Variants in SYT1 observed in about 807,000 individuals in gnomAD.
SYT1 encodes the protein synaptotagmin 1, also known as synaptotagmin-1.
SYT1 carries 8 observed loss-of-function variants against 44.8 expected under a neutral mutation model. That is an observed-to-expected ratio of 0.18 (90% CI 0.10 to 0.32). The LOEUF (loss-of-function observed/expected upper bound fraction) is 0.32, where lower values mean the gene tolerates loss of function less well. Ranked by LOEUF, SYT1 falls within the 10% of genes least tolerant of loss-of-function variation. SYT1 has a pLI of 1.00. For synonymous variants in SYT1, 154 were observed against 188.8 expected (o/e 0.82, Z 1.51); for missense variants, 286 against 509.3 (o/e 0.56, Z 4.22).
chr12:79,106,161 A>G (rs1878708474), intron 3 of SYT1, among the ~76,000 whole-genome samples: 1 of 152,238 alleles, frequency 6.6e-6, no homozygotes, highest in Non-Finnish European at 1.5e-5. Flanking sequence ...ACTAAGGGGA[A>G]AAGTACTGGC....
rs570556008 is a variant in SYT1 at position 78,978,567 on chromosome 12, C to T, written c.-84+636C>T. On this transcript the variant is annotated intron_variant, in intron 2 of 10. Transcript: ENST00000261205. The stretch of plus-strand genomic sequence containing the variant: ...AATTCCATCAAATTCAATTACCATT[C>T]TTCATTAACCAATCAAATTACTCCT... 2.0e-5 allele frequency among the ~76,000 whole-genome samples: 3 copies of T among 152,312 alleles called. No homozygotes were observed. The South Asian group carries it at 6.2e-4, about 32-fold the overall frequency.
chr12:79,405,217 C>T lies in SYT1; in HGVS notation c.929-38856C>T, dbSNP rs552164880. On this transcript the variant is annotated intron_variant, in intron 9 of 10. Transcript: ENST00000261205. Reference sequence around the variant, plus strand: ...TCTTGATCAAATGAAATCTGCAAAGCCTCCATATACTCTTGTGCAATCTTA... The same window carrying T: ...TCTTGATCAAATGAAATCTGCAAAGTCTCCATATACTCTTGTGCAATCTTA... Among the ~76,000 whole-genome samples, 3 of 152,218 alleles carry T rather than the reference C, an allele frequency of 2.0e-5. No individual in the cohort carries two copies. The South Asian group carries it at 6.2e-4, about 32-fold the overall frequency.
At chr12:79,446,110 C>T (rs575616357) in intron 10 of SYT1, among the ~76,000 whole-genome samples, 1 of 144,130 alleles carries the variant, frequency 6.9e-6, no homozygotes, top group Non-Finnish European at 1.5e-5. Context: ...GAGAAAAGTA[C>T]TATTGTTATT....
chr12:78,920,295 G>T (rs1387355858), intron 1 of SYT1, among the ~76,000 whole-genome samples: 2 of 151,904 alleles, frequency 1.3e-5, no homozygotes, highest in South Asian at 2.1e-4. Context: ...TGTTTTACAA[G>T]ATAAGAAATA....
At chr12:79,109,433 G>A (rs963697267) in intron 3 of SYT1, among the ~76,000 whole-genome samples, 1 of 152,158 alleles carries the variant, frequency 6.6e-6, no homozygotes, top group African/African-American at 2.4e-5. Flanking sequence ...GGGACTTGGA[G>A]GAGGAATGCC....
At chr12:79,235,541 T>C (rs911649165) in intron 4 of SYT1, among the ~76,000 whole-genome samples, 5 of 151,224 alleles carry the variant, frequency 3.3e-5, no homozygotes, top group African/African-American at 1.2e-4. Flanking sequence ...TTTGTAAATA[T>C]ACCATTAAGA....
chr12:79,290,531 C>G (rs1188050736), intron 5 of SYT1, among the ~76,000 whole-genome samples: 3 of 152,134 alleles, frequency 2.0e-5, no homozygotes, highest in Non-Finnish European at 4.4e-5. Context: ...CCTGGTTATA[C>G]TTCTTGCATT....
intron 3 of SYT1, among the ~76,000 whole-genome samples, chr12:79,064,926 G>GACAA (rs549891799): frequency 0.012 from 1,323 of 111,536 alleles, 23 homozygotes; most frequent in Non-Finnish European, 0.017. Context: ...AAAAAATAGA[G>GACAA]AGAAAGAAAG....
chr12:79,053,622 A>G (rs1408658739), intron 3 of SYT1, among the ~76,000 whole-genome samples: 5 of 149,274 alleles, frequency 3.3e-5, no homozygotes, highest in Non-Finnish European at 7.4e-5. Context: ...TTTAAAATAT[A>G]TATCACCAAT....
chr12:79,051,581 A>G (rs951605368), intron 3 of SYT1, among the ~76,000 whole-genome samples: 5 of 151,726 alleles, frequency 3.3e-5, no homozygotes, highest in Non-Finnish European at 5.9e-5. Context: ...TGAAAAAACA[A>G]CTAGATAATA....
At chr12:78,959,965 T>G (rs77371876) in intron 1 of SYT1, among the ~76,000 whole-genome samples, 2,304 of 152,238 alleles carry the variant, frequency 0.015, 60 homozygotes, top group African/African-American at 0.052. Context: ...ATTTTGAAAT[T>G]GATACAAAGC....
At chr12:79,040,999 CA>C (rs1385661046) in intron 2 of SYT1, among the ~76,000 whole-genome samples, 3 of 152,000 alleles carry the variant, frequency 2.0e-5, no homozygotes, top group African/African-American at 7.3e-5. Context: ...GTTTTGGTAC[CA>C]GTACCCTGCT....
At chr12:79,228,821 T>C (rs1460551518) in intron 4 of SYT1, among the ~76,000 whole-genome samples, 1 of 152,164 alleles carries the variant, frequency 6.6e-6, no homozygotes, top group Non-Finnish European at 1.5e-5. Context: ...CCCCTCATGA[T>C]TTTCTCTCTT....
chr12:79,374,474 T>C (rs1035985199), intron 9 of SYT1, among the ~76,000 whole-genome samples: 3 of 152,236 alleles, frequency 2.0e-5, no homozygotes, highest in Admixed American at 2.0e-4. Context: ...GATACCTAAT[T>C]TTTATTTTAA....
chr12:79,440,166 C>A (rs1224792805), intron 9 of SYT1, among the ~76,000 whole-genome samples: 1 of 151,980 alleles, frequency 6.6e-6, no homozygotes, highest in African/African-American at 2.4e-5. Flanking sequence ...TGCAGTGAGC[C>A]AAGACTGTGC....
At chr12:79,080,336 C>T (rs1225002191) in intron 3 of SYT1, among the ~76,000 whole-genome samples, 1 of 152,052 alleles carries the variant, frequency 6.6e-6, no homozygotes, top group Non-Finnish European at 1.5e-5. Context: ...AACCACGAAC[C>T]TCAATATGAT....
intron 4 of SYT1, among the ~76,000 whole-genome samples, chr12:79,279,166 A>G (rs1455386616): frequency 6.6e-6 from 1 of 152,060 alleles, no homozygotes; most frequent in Non-Finnish European, 1.5e-5. Flanking sequence ...CTACAAAGCC[A>G]GTATCACCCT....
intron 1 of SYT1, among the ~76,000 whole-genome samples, chr12:78,903,923 A>AT (rs539982271): frequency 9.0e-4 from 137 of 151,794 alleles, no homozygotes; most frequent in Non-Finnish European, 1.6e-3. Context: ...TTACCCCATT[A>AT]TTTTTTTTCT....
At chr12:79,186,236 T>C (rs914478651) in intron 3 of SYT1, among the ~76,000 whole-genome samples, 1 of 152,062 alleles carries the variant, frequency 6.6e-6, no homozygotes, top group Non-Finnish European at 1.5e-5. Flanking sequence ...CAAATTCCTC[T>C]TATATATTCT....
Sources: gnomAD v4.1 joint callset for allele counts (sites outside exome capture counted in the v4.1 genomes callset) on GRCh38, gnomAD v4.1.1 for gene constraint, MANE v1.5 for transcripts, NCBI Gene and HGNC (gene_info 2026-07-23, HGNC 2026-07-21) for gene names.